The following EPHA6 variants were observed in gnomAD, a reference collection of about 807,000 sequenced individuals.
The protein encoded by EPHA6 is EPH receptor A6.
EPHA6 carries 50 observed loss-of-function variants against 112.0 expected under a neutral mutation model. The ratio of observed to expected loss-of-function variants is 0.45; its 90% CI spans 0.36 to 0.56. The LOEUF is 0.56. Among genes scored for constraint, EPHA6 ranks in the 20% least tolerant of loss-of-function variants. The pLI, the probability that EPHA6 is intolerant of heterozygous loss-of-function variation, is 0.00. For synonymous variants in EPHA6, 529 were observed against 490.7 expected (o/e 1.08, Z -1.03); for missense variants, 1,280 against 1,417.4 (o/e 0.90, Z 1.56).
chr3:97,414,672 G>A (rs1400254145), intron 6 of EPHA6, among the ~76,000 whole-genome samples: 1 of 151,946 alleles, frequency 6.6e-6, no homozygotes, highest in Non-Finnish European at 1.5e-5. Flanking sequence ...CAAATAACTA[G>A]AAATAATTAT....
intron 3 of EPHA6, among the ~76,000 whole-genome samples, chr3:97,102,289 GAC>G (rs2047427245): frequency 6.6e-6 from 1 of 152,006 alleles, no homozygotes; most frequent in African/African-American, 2.4e-5. Flanking sequence ...GTCCATATCA[GAC>G]ACAGAGTGAT....
rs114376801 is a variant in EPHA6 at position 97,423,612 on chromosome 3, A to C, written c.1731+18338A>C. Among the ~76,000 whole-genome samples, 1,266 of 152,322 alleles carry C rather than the reference A, an allele frequency of 8.3e-3. 14 individuals carry two copies. Among genetic ancestry groups the C allele is most frequent in the African/African-American group, 0.027 (1,126 of 41,576 alleles). On this transcript the variant is annotated intron_variant, in intron 6 of 17. Coordinates refer to ENST00000389672, the MANE Select transcript of EPHA6 (RefSeq NM_001080448.3). ...TACATATTCAATGCTATTCCTATCA[A>C]TCTACCTATGACATTTTTTACAGAA... is the stretch of plus-strand genomic sequence containing the variant.
At chr3:97,011,408 G>T (rs761139146) in intron 3 of EPHA6, among the ~76,000 whole-genome samples, 2 of 152,164 alleles carry the variant, frequency 1.3e-5, no homozygotes, top group Non-Finnish European at 2.9e-5. Flanking sequence ...TGCCTGGATT[G>T]TTGTAAGATT....
chr3:97,223,707 T>C (rs908803802), intron 3 of EPHA6, among the ~76,000 whole-genome samples: 1 of 152,152 alleles, frequency 6.6e-6, no homozygotes, highest in Non-Finnish European at 1.5e-5. Flanking sequence ...AGCTACTGGG[T>C]TGACCATAAA....
In EPHA6 at chr3:97,337,888, A is replaced by G. The variant is rs2083132477; in HGVS notation, c.1607-67262A>G. Among the ~76,000 whole-genome samples the G allele has an allele frequency of 2.6e-5, 4 of 152,300 alleles. No individual in the cohort carries two copies. In the South Asian group the frequency reaches 8.3e-4, roughly 32 times the overall value. Reference sequence around the variant, plus strand: ...TTACTCCTTTGAAGACGAGCAACTCAGTGGGTGGAGGATGTAGCAATTTAC... The same window carrying G: ...TTACTCCTTTGAAGACGAGCAACTCGGTGGGTGGAGGATGTAGCAATTTAC... On this transcript the variant is annotated intron_variant, in intron 5 of 17. Transcript: ENST00000389672.
chr3:96,937,062 A>G (rs1333734862), intron 2 of EPHA6, among the ~76,000 whole-genome samples: 1 of 152,214 alleles, frequency 6.6e-6, no homozygotes, highest in Non-Finnish European at 1.5e-5. Context: ...TACTGCCACA[A>G]TAAACATACG....
rs185921569 is a variant in EPHA6 at position 97,674,243 on chromosome 3, T to C, written c.2784+36161T>C. On this transcript the variant is annotated intron_variant, in intron 14 of 17. Coordinates refer to ENST00000389672, the MANE Select transcript of EPHA6 (RefSeq NM_001080448.3). ...TGACCAAGTGAACATATTATCTGAA[T>C]TCTACTACCCACCTAAGGATTTTAA... 8.1e-4 allele frequency among the ~76,000 whole-genome samples: 123 copies of C among 152,306 alleles called. 2 individuals carry two copies. The East Asian group carries it at 0.014, about 18-fold the overall frequency.
At chr3:97,459,113 G>A (rs948437749) in intron 7 of EPHA6, among the ~76,000 whole-genome samples, 1 of 152,194 alleles carries the variant, frequency 6.6e-6, no homozygotes, top group Non-Finnish European at 1.5e-5. Flanking sequence ...AGGGTTGAGG[G>A]ACCAGATGAG....
intron 7 of EPHA6, among the ~76,000 whole-genome samples, chr3:97,468,216 T>C (rs9823300): frequency 0.047 from 7,179 of 151,572 alleles, 566 homozygotes; most frequent in African/African-American, 0.16. Context: ...TTGTTTCCAT[T>C]CAGCTGAGAA....
intron 14 of EPHA6, among the ~76,000 whole-genome samples, chr3:97,712,874 G>A (rs1186292645): frequency 6.6e-6 from 1 of 152,136 alleles, no homozygotes; most frequent in Non-Finnish European, 1.5e-5. Context: ...TCTAAGTATT[G>A]CAAATGAGGA....
chr3:97,051,570 C>T (rs1193374083), intron 3 of EPHA6, among the ~76,000 whole-genome samples: 2 of 152,024 alleles, frequency 1.3e-5, no homozygotes, highest in Non-Finnish European at 1.5e-5. Context: ...TGATTCAGTC[C>T]ACATCCATGG....
At chr3:97,071,638 C>T (rs970458253) in intron 3 of EPHA6, among the ~76,000 whole-genome samples, 6 of 151,972 alleles carry the variant, frequency 3.9e-5, no homozygotes, top group African/African-American at 1.4e-4. Context: ...ATTACCTCTC[C>T]CTGGGTCCCT....
At chr3:96,890,688 G>A (rs541283538) in intron 2 of EPHA6, among the ~76,000 whole-genome samples, 32 of 152,274 alleles carry the variant, frequency 2.1e-4, no homozygotes, top group Non-Finnish European at 3.7e-4. Flanking sequence ...GTCAATTTTC[G>A]AAGAGGATAT....
chr3:96,949,021 C>T (rs1018832606), intron 2 of EPHA6, among the ~76,000 whole-genome samples: 21 of 151,960 alleles, frequency 1.4e-4, no homozygotes, highest in Non-Finnish European at 2.4e-4. Flanking sequence ...TGTTGTATGC[C>T]GTATATCCCT....
intron 7 of EPHA6, among the ~76,000 whole-genome samples, chr3:97,460,518 A>G (rs1242988128): frequency 6.6e-6 from 1 of 152,252 alleles, no homozygotes; most frequent in Non-Finnish European, 1.5e-5. Context: ...AACAATAAGC[A>G]AAACATTTTA....
chr3:97,418,258 A>T (rs966058685), intron 6 of EPHA6, among the ~76,000 whole-genome samples: 25 of 151,900 alleles, frequency 1.6e-4, no homozygotes, highest in African/African-American at 5.8e-4. Flanking sequence ...AAAGACATTT[A>T]AAAAATCTAA....
chr3:97,410,041 G>A (rs1027936458), intron 6 of EPHA6, among the ~76,000 whole-genome samples: 34 of 152,128 alleles, frequency 2.2e-4, no homozygotes, highest in Admixed American at 2.2e-3. Flanking sequence ...TTTGTGGAAA[G>A]CTTTTCATTA....
intron 2 of EPHA6, among the ~76,000 whole-genome samples, chr3:96,920,774 A>G (rs1314142165): frequency 1.3e-5 from 2 of 152,032 alleles, no homozygotes; most frequent in Admixed American, 6.6e-5. Flanking sequence ...ACTCCATTAA[A>G]TGGCTTGAAC....
intron 7 of EPHA6, among the ~76,000 whole-genome samples, chr3:97,458,898 G>T (rs1279549313): frequency 6.6e-6 from 1 of 152,082 alleles, no homozygotes; most frequent in African/African-American, 2.4e-5. Flanking sequence ...AACAAAAAAG[G>T]ATAAACCAGT....
Sources: gnomAD v4.1 joint callset for allele counts (sites outside exome capture counted in the v4.1 genomes callset) on GRCh38, gnomAD v4.1.1 for gene constraint, MANE v1.5 for transcripts, NCBI Gene and HGNC (gene_info 2026-07-23, HGNC 2026-07-21) for gene names.